The following CCR3 variants were observed in gnomAD, a reference collection of about 807,000 sequenced individuals.
CCR3 encodes the protein C-C chemokine receptor type 3.
For missense variants in CCR3, 419 were observed against 437.5 expected (o/e 0.96, Z 0.38); for synonymous variants, 203 against 179.2 (o/e 1.13, Z -1.06).
chr3:46,216,081 G>T (rs894495499), intron 2 of CCR3, among the ~76,000 whole-genome samples: 12 of 152,172 alleles, frequency 7.9e-5, no homozygotes, highest in African/African-American at 2.9e-4. Flanking sequence ...GGACTGTTTG[G>T]CAATAGCTAT....
At chr3:46,243,449 C>T (rs1700133626) in intron 1 of CCR3, among the ~76,000 whole-genome samples, 1 of 152,118 alleles carries the variant, frequency 6.6e-6, no homozygotes, top group African/African-American at 2.4e-5. Flanking sequence ...AAAATCCACA[C>T]TAAATCAAGC....
In CCR3 at chr3:46,265,355, G is replaced by A. The variant is rs1169744267; in HGVS notation, c.197G>A (p.Arg66Gln). 10 of 1,613,938 alleles carry A rather than the reference G, an allele frequency of 6.2e-6. No homozygotes were observed. Among genetic ancestry groups the A allele is most frequent in the South Asian group, 4.4e-5 (4 of 91,080 alleles). Reference sequence around the variant, plus strand: ...ATCCTCATAAAATACAGGAGGCTCCGAATTATGACCAACATCTACCTGCTC... The same window carrying A: ...ATCCTCATAAAATACAGGAGGCTCCAAATTATGACCAACATCTACCTGCTC... ...VMILIKYRRL[R>Q]IMTNIYLLNL... The change falls in exon 2 of 2, where the codon CGA (arginine) becomes CAA (glutamine). Residue 66 changes from arginine (R) to glutamine (Q), a missense_variant. Physicochemically the swap from Arg to Gln is conservative, Grantham distance 43. Coordinates refer to ENST00000395940, the MANE Select transcript of CCR3 (RefSeq NM_178329.3).
chr3:46,245,466 TAA>T (rs572869147), intron 1 of CCR3, among the ~76,000 whole-genome samples: 1 of 141,290 alleles, frequency 7.1e-6, no homozygotes, highest in Admixed American at 7.1e-5. Context: ...ACCCTTTAAT[TAA>T]AAAAAAAAAC....
intron 1 of CCR3, chr3:46,263,591 A>G (rs1700565500): frequency 6.6e-6 from 1 of 152,620 alleles, no homozygotes; most frequent in Admixed American, 6.5e-5. Context: ...TTCATTTGAA[A>G]TGGCTTCTAA....
At chr3:46,256,764 G>GA (rs1330591389) in intron 1 of CCR3, among the ~76,000 whole-genome samples, 5 of 152,216 alleles carry the variant, frequency 3.3e-5, no homozygotes, top group Admixed American at 3.3e-4. Context: ...TTTATAAACT[G>GA]TAGTCATCTG....
chr3:46,265,125 G>A (rs757262777), intron 1 of CCR3, 23 bp from the exon 2 acceptor site: 13 of 1,450,078 alleles, frequency 9.0e-6, no homozygotes, highest in Non-Finnish European at 1.2e-5. Context: ...TTGTGGGATT[G>A]TATTTTTCTT....
At chr3:46,250,271 C>T (rs1055275592) in intron 1 of CCR3, among the ~76,000 whole-genome samples, 6 of 151,622 alleles carry the variant, frequency 4.0e-5, no homozygotes, top group Non-Finnish European at 7.4e-5. Flanking sequence ...GGAGGTGAGG[C>T]GATAAAAAGA....
intron 2 of CCR3, among the ~76,000 whole-genome samples, chr3:46,220,246 A>G (rs756422276): frequency 7.9e-5 from 12 of 152,236 alleles, no homozygotes; most frequent in Non-Finnish European, 1.3e-4. Context: ...AATGCCCAAC[A>G]TCACTAATTA....
intron 2 of CCR3, among the ~76,000 whole-genome samples, chr3:46,212,821 A>G (rs746394641): frequency 6.6e-6 from 1 of 152,182 alleles, no homozygotes; most frequent in Non-Finnish European, 1.5e-5. Flanking sequence ...ATCATCCAAG[A>G]GGCTGCCTCC....
intron 2 of CCR3, among the ~76,000 whole-genome samples, chr3:46,231,518 G>C (rs1362104726): frequency 6.6e-6 from 1 of 152,188 alleles, no homozygotes; most frequent in Non-Finnish European, 1.5e-5. Context: ...CAAAGTTTCA[G>C]TTACAGAAGA....
intron 2 of CCR3, among the ~76,000 whole-genome samples, chr3:46,234,719 G>A (rs532809363): frequency 6.6e-6 from 1 of 152,252 alleles, no homozygotes; most frequent in East Asian, 1.9e-4. Flanking sequence ...TATTCCTGTC[G>A]ATAATTTATC....
At chr3:46,237,221 G>A (rs1228062663) in intron 2 of CCR3, among the ~76,000 whole-genome samples, 1 of 152,052 alleles carries the variant, frequency 6.6e-6, no homozygotes, top group Non-Finnish European at 1.5e-5. Flanking sequence ...CCTTTCCTTT[G>A]TAAAAATACC....
At chr3:46,225,826 T>C (rs1699888427) in intron 2 of CCR3, among the ~76,000 whole-genome samples, 1 of 152,250 alleles carries the variant, frequency 6.6e-6, no homozygotes, top group African/African-American at 2.4e-5. Context: ...TTAGATATGT[T>C]GTTTGCATTT....
At chr3:46,253,458 C>T (rs539391326) in intron 1 of CCR3, among the ~76,000 whole-genome samples, 2 of 152,284 alleles carry the variant, frequency 1.3e-5, no homozygotes, top group South Asian at 4.1e-4. Context: ...TTCTTCAACT[C>T]ATCTTTACTG....
chr3:46,261,097 C>A (rs1349208196), intron 1 of CCR3, among the ~76,000 whole-genome samples: 7 of 152,130 alleles, frequency 4.6e-5, no homozygotes, highest in Non-Finnish European at 1.0e-4. Context: ...CAAAACAGAT[C>A]AAAATCACAT....
At chr3:46,261,260 C>T (rs79706792) in intron 1 of CCR3, among the ~76,000 whole-genome samples, 1,950 of 152,120 alleles carry the variant, frequency 0.013, 45 homozygotes, top group African/African-American at 0.044. Context: ...ATAGGTAAGA[C>T]ATTTGGAAAT....
chr3:46,244,112 AT>A (rs1700147046), intron 1 of CCR3, among the ~76,000 whole-genome samples: 1 of 152,220 alleles, frequency 6.6e-6, no homozygotes, highest in Non-Finnish European at 1.5e-5. Context: ...AGAAATTGTG[AT>A]TTGTGTAATA....
intron 1 of CCR3, among the ~76,000 whole-genome samples, chr3:46,257,427 CTT>C (rs34426861): frequency 0.022 from 2,296 of 103,898 alleles, 21 homozygotes; most frequent in Middle Eastern, 0.083. Flanking sequence ...TTGTCCCAGG[CTT>C]TTTTTTTTTT....
rs577093999 is a variant in CCR3 at position 46,257,367 on chromosome 3, A to G, written c.-11-7781A>G. On this transcript the variant is annotated intron_variant, in intron 1 of 1. Transcript: ENST00000395940. ...TGCTTTTGTAGCACCAATAATAATC[A>G]ACTTTAACATTGTTATCTTTCACCA... is the stretch of plus-strand genomic sequence containing the variant. 2.0e-5 allele frequency among the ~76,000 whole-genome samples: 3 copies of G among 150,820 alleles called. No homozygotes were observed. In the South Asian group the frequency reaches 6.3e-4, roughly 32 times the overall value.
Sources: allele counts gnomAD v4.1 joint callset (sites outside exome capture counted in the v4.1 genomes callset), GRCh38; gene constraint gnomAD v4.1.1; transcripts MANE v1.5; gene names NCBI Gene and HGNC (gene_info 2026-07-23, HGNC 2026-07-21).